Variants in CDK14 observed in about 807,000 individuals in gnomAD.
The protein encoded by CDK14 is cyclin dependent kinase 14.
CDK14 carries 34 observed loss-of-function variants against 60.7 expected under a neutral mutation model. The ratio of observed to expected loss-of-function variants is 0.56; its 90% CI spans 0.43 to 0.75. The LOEUF (loss-of-function observed/expected upper bound fraction) is 0.75. Among genes scored for constraint, CDK14 ranks in the 30% least tolerant of loss-of-function variants. CDK14 has a pLI of 0.00. For synonymous variants in CDK14, 197 were observed against 203.7 expected, an observed-to-expected ratio of 0.97 and a Z score of 0.28; for missense variants, 482 against 564.1, an observed-to-expected ratio of 0.85 and a Z score of 1.47.
At position 91,007,661 on chromosome 7, in the gene CDK14, A is replaced by C. The variant is rs188674186; in HGVS notation, c.1041+23420A>C. Among the ~76,000 whole-genome samples, 5 of 152,212 alleles carry C rather than the reference A, an allele frequency of 3.3e-5. No homozygotes were observed. The East Asian group carries it at 7.7e-4, about 24-fold the overall frequency. ...TTTTCCTTTTTCCCAGATGAATAGA[A>C]CCCTCAGATTCATTTCAGCTGTATA... is the stretch of plus-strand genomic sequence containing the variant. On this transcript the variant is annotated intron_variant, in intron 10 of 14. Coordinates refer to ENST00000380050, the MANE Select transcript of CDK14 (RefSeq NM_001287135.2).
At chr7:91,079,388 C>G (rs1415602304) in intron 11 of CDK14, 44 bp from the exon 12 acceptor site, 1 of 1,301,904 alleles carries the variant, frequency 7.7e-7, no homozygotes, top group Non-Finnish European at 1.1e-6. Context: ...GTAATATATA[C>G]ATTTGATACA....
At chr7:90,938,867 T>A (rs190518941) in intron 8 of CDK14, among the ~76,000 whole-genome samples, 3 of 152,240 alleles carry the variant, frequency 2.0e-5, no homozygotes, top group Admixed American at 1.3e-4. Context: ...GTTTACAACA[T>A]TTGATGCATT....
intron 12 of CDK14, among the ~76,000 whole-genome samples, chr7:91,082,322 AC>A (rs1257636503): frequency 2.6e-5 from 4 of 152,216 alleles, no homozygotes; most frequent in Non-Finnish European, 5.9e-5. Flanking sequence ...CTAAGGATAA[AC>A]CACTAAGTCA....
At chr7:90,815,611 T>C (rs1241413674) in intron 5 of CDK14, among the ~76,000 whole-genome samples, 5 of 152,104 alleles carry the variant, frequency 3.3e-5, no homozygotes, top group South Asian at 4.1e-4. Flanking sequence ...TAAAGACACA[T>C]ACACACATAT....
intron 9 of CDK14, among the ~76,000 whole-genome samples, chr7:90,979,186 G>A (rs1038952348): frequency 4.6e-5 from 7 of 152,076 alleles, no homozygotes; most frequent in East Asian, 1.9e-4. Flanking sequence ...GGTAATGTTC[G>A]TATGTCACCA....
intron 2 of CDK14, among the ~76,000 whole-genome samples, chr7:90,629,056 C>G (rs1273524437): frequency 6.6e-6 from 1 of 151,892 alleles, no homozygotes; most frequent in Non-Finnish European, 1.5e-5. Context: ...TTCCACCAAG[C>G]TAAAAGTACT....
chr7:90,863,670 A>ATGTGTGTGTGTGTGTGTGTGTG (rs111580477), intron 6 of CDK14, among the ~76,000 whole-genome samples: 6,174 of 145,174 alleles, frequency 0.043, 107 homozygotes, highest in Middle Eastern at 0.078. Flanking sequence ...TTATTAAGAT[A>ATGTGTGTGTGTGTGTGTGTGTG]TGTGTGTGTG....
intron 14 of CDK14, among the ~76,000 whole-genome samples, chr7:91,181,320 C>T (rs914197817): frequency 1.3e-5 from 2 of 152,104 alleles, no homozygotes; most frequent in Non-Finnish European, 2.9e-5. Context: ...TTGCTGATTG[C>T]ATTCCTGTGG....
In CDK14 at chr7:91,141,105, C is replaced by T. The variant is rs76139043; in HGVS notation, c.*28+22897C>T. Among the ~76,000 whole-genome samples the T allele has an allele frequency of 2.0e-3, 303 of 152,270 alleles. 1 individual carries two copies. The highest frequency in any genetic ancestry group is 1.8e-3 in the Non-Finnish European group (125 of 68,024). Reference sequence around the variant, plus strand: ...ACATCAGCAAAAAGCACAAAAGTTGCACTGAGTGTGTCACGTGCAGGGGAT... The same window carrying T: ...ACATCAGCAAAAAGCACAAAAGTTGTACTGAGTGTGTCACGTGCAGGGGAT... On this transcript the variant is annotated intron_variant, in intron 14 of 14. Transcript: ENST00000380050.
chr7:91,119,281 G>A (rs1249803470), intron 14 of CDK14, among the ~76,000 whole-genome samples: 1 of 152,116 alleles, frequency 6.6e-6, no homozygotes, highest in African/African-American at 2.4e-5. Flanking sequence ...AGGAGTTCGA[G>A]AACAGCCTGG....
At chr7:91,195,217 G>A (rs1340194768) in intron 14 of CDK14, among the ~76,000 whole-genome samples, 4 of 152,176 alleles carry the variant, frequency 2.6e-5, no homozygotes, top group Non-Finnish European at 5.9e-5. Flanking sequence ...CAAGAGTATA[G>A]TGACAAAGTT....
At chr7:90,745,114 T>A (rs1165837220) in intron 3 of CDK14, among the ~76,000 whole-genome samples, 1 of 152,180 alleles carries the variant, frequency 6.6e-6, no homozygotes, top group Non-Finnish European at 1.5e-5. Flanking sequence ...ACATATGCAT[T>A]TGGAGTTTCA....
intron 2 of CDK14, among the ~76,000 whole-genome samples, chr7:90,725,276 T>C (rs1584824895): frequency 6.6e-6 from 1 of 152,198 alleles, no homozygotes; most frequent in East Asian, 1.9e-4. Flanking sequence ...TCTGGAGATA[T>C]CTGATGTTAA....
intron 3 of CDK14, among the ~76,000 whole-genome samples, chr7:90,732,221 G>T (rs1802895417): frequency 6.6e-6 from 1 of 152,136 alleles, no homozygotes; most frequent in African/African-American, 2.4e-5. Flanking sequence ...GCTTTTTGAT[G>T]GGCTGCTGGA....
chr7:91,164,058 G>A (rs1051917585), intron 14 of CDK14, among the ~76,000 whole-genome samples: 4 of 152,184 alleles, frequency 2.6e-5, no homozygotes, highest in South Asian at 2.1e-4. Flanking sequence ...CATCCACCTC[G>A]TAAGGAAACT....
intron 7 of CDK14, among the ~76,000 whole-genome samples, chr7:90,899,967 A>G (rs928922451): frequency 6.6e-6 from 1 of 152,164 alleles, no homozygotes; most frequent in African/African-American, 2.4e-5. Context: ...ATATGGCTTA[A>G]TTATGTACTT....
chr7:90,806,385 A>G (rs1450720638), intron 5 of CDK14, among the ~76,000 whole-genome samples: 1 of 152,224 alleles, frequency 6.6e-6, no homozygotes, highest in Non-Finnish European at 1.5e-5. Flanking sequence ...GATTTATATT[A>G]AAAATATATA....
intron 2 of CDK14, among the ~76,000 whole-genome samples, chr7:90,673,784 T>C (rs1801145949): frequency 6.6e-6 from 1 of 152,224 alleles, no homozygotes; most frequent in Admixed American, 6.5e-5. Context: ...ATCCTTACTT[T>C]GCTTTCATAG....
intron 5 of CDK14, among the ~76,000 whole-genome samples, chr7:90,823,902 G>C (rs919988984): frequency 6.6e-6 from 1 of 152,154 alleles, no homozygotes; most frequent in Admixed American, 6.5e-5. Flanking sequence ...ATGGCACATA[G>C]TAGGCACTTT....
Sources: allele counts gnomAD v4.1 joint callset (sites outside exome capture counted in the v4.1 genomes callset), GRCh38; gene constraint gnomAD v4.1.1; transcripts MANE v1.5; gene names NCBI Gene and HGNC (gene_info 2026-07-23, HGNC 2026-07-21).